Variants in TIPRL observed in about 807,000 individuals in gnomAD.
TIPRL encodes the protein TIP41-like protein.
In TIPRL, 10 loss-of-function variants were observed where a neutral mutation model predicts 32.3. That is an observed-to-expected ratio of 0.31 (90% CI 0.19 to 0.52). TIPRL has a LOEUF of 0.52. Among genes scored for constraint, TIPRL ranks in the 20% least tolerant of loss-of-function variants. The pLI is 0.96. For synonymous variants in TIPRL, 100 were observed against 114.0 expected (o/e 0.88, Z 0.78); for missense variants, 250 against 328.1 (o/e 0.76, Z 1.84).
At chr1:168,189,285 T>A (rs1021202381) in intron 3 of TIPRL, among the ~76,000 whole-genome samples, 1 of 152,240 alleles carries the variant, frequency 6.6e-6, no homozygotes, top group African/African-American at 2.4e-5. Flanking sequence ...TAGCCAGCTT[T>A]TTAAATTGTC....
chr1:168,184,141 AGAC>A, intron 2 of TIPRL, 60 bp downstream of exon 2: 1 of 1,473,210 alleles, frequency 6.8e-7, no homozygotes, highest in Non-Finnish European at 9.2e-7. Context: ...AAAAGAGAAA[AGAC>A]TTGAAAAAAT....
chr1:168,186,015 C>T (rs1256093632), intron 3 of TIPRL, among the ~76,000 whole-genome samples: 1 of 126,252 alleles, frequency 7.9e-6, no homozygotes, highest in African/African-American at 3.1e-5. Context: ...GCAGAGGTTG[C>T]AGTGAGCTGA....
chr1:168,179,303 G>A (rs1309299854), intron 1 of TIPRL, 122 bp downstream of exon 1: 1 of 780,762 alleles, frequency 1.3e-6, no homozygotes, highest in South Asian at 1.8e-5. Context: ...CCTCCGGACC[G>A]GACCTTTGAT....
intron 5 of TIPRL, 124 bp downstream of exon 5, chr1:168,196,766 T>C: frequency 1.9e-6 from 1 of 539,692 alleles, no homozygotes. Context: ...AACTGTTAAG[T>C]CTGAGTGTTT....
At chr1:168,198,779 A>G in intron 5 of TIPRL, 140 bp from the exon 6 acceptor site, 2 of 663,338 alleles carry the variant, frequency 3.0e-6, no homozygotes, top group Non-Finnish European at 5.3e-6. Flanking sequence ...GAGTTATCTC[A>G]GTGTAGAACA....
At chr1:168,189,663 CT>C (rs1421364164) in intron 3 of TIPRL, among the ~76,000 whole-genome samples, 2 of 152,028 alleles carry the variant, frequency 1.3e-5, no homozygotes, top group Non-Finnish European at 2.9e-5. Flanking sequence ...TTATATTTAG[CT>C]GGTTATTTTT....
intron 4 of TIPRL, among the ~76,000 whole-genome samples, chr1:168,195,977 A>G (rs1198824017): frequency 6.6e-6 from 1 of 152,212 alleles, no homozygotes; most frequent in Non-Finnish European, 1.5e-5. Flanking sequence ...TCTGCCTATC[A>G]TTAGTAGTTA....
chr1:168,193,999 G>A (rs954934275), intron 4 of TIPRL, among the ~76,000 whole-genome samples: 3 of 152,174 alleles, frequency 2.0e-5, no homozygotes, highest in African/African-American at 7.2e-5. Flanking sequence ...GAGATGTAAG[G>A]TATCAATCAG....
At position 168,179,092 on chromosome 1, in the gene TIPRL, C is replaced by G; in HGVS notation, c.15C>G (p.Gly5=). 1 of 1,613,844 alleles carries G rather than the reference C, an allele frequency of 6.2e-7. No homozygotes were observed. The highest frequency in any genetic ancestry group is 1.3e-5 in the African/African-American group (1 of 75,028). Residue 5 remains glycine, a synonymous_variant, in exon 1 of 7, where the codon GGC becomes GGG. Coordinates refer to ENST00000367833, the MANE Select transcript of TIPRL (RefSeq NM_152902.5). MMIH[G]FQSSHRDFCF... ...CTGCCTCAGCCATGATGATCCACGG[C>G]TTCCAGAGCAGCCACCGGGATTTCT...
chr1:168,191,561 T>C, intron 4 of TIPRL, 61 bp downstream of exon 4: 1 of 1,333,192 alleles, frequency 7.5e-7, no homozygotes, highest in Admixed American at 3.0e-5. Context: ...CAGACAAAAA[T>C]ATGACTCACT....
chr1:168,186,664 G>A (rs1700031725), intron 3 of TIPRL, among the ~76,000 whole-genome samples: 1 of 152,148 alleles, frequency 6.6e-6, no homozygotes, highest in African/African-American at 2.4e-5. Context: ...GTTCACACCT[G>A]TAATCCCAGC....
At chr1:168,179,259 C>T in intron 1 of TIPRL, 78 bp downstream of exon 1, 1 of 1,288,344 alleles carries the variant, frequency 7.8e-7, no homozygotes, top group Non-Finnish European at 1.1e-6. Context: ...CTCTGTGCAG[C>T]CCCTCCCCTT....
At chr1:168,184,728 A>C in intron 2 of TIPRL, 51 bp from the exon 3 acceptor site, 1 of 1,089,974 alleles carries the variant, frequency 9.2e-7, no homozygotes. Flanking sequence ...AAATACAGAT[A>C]ATCTCTATTC....
At chr1:168,183,686 TTATC>T (rs1203070071) in intron 1 of TIPRL, among the ~76,000 whole-genome samples, 3 of 152,320 alleles carry the variant, frequency 2.0e-5, no homozygotes, top group African/African-American at 7.2e-5. Context: ...ATTTGTATAT[TTATC>T]TTATTTAGCC....
At chr1:168,192,149 T>A (rs1387284990) in intron 4 of TIPRL, 5 of 1,387,036 alleles carry the variant, frequency 3.6e-6, no homozygotes, top group Admixed American at 6.2e-5. Context: ...TGTCATTTTT[T>A]AAAATGATCC....
Position 168,200,705 on chromosome 1 carries a change from G to C in TIPRL, c.*659G>C, listed in dbSNP as rs1272290119. On this transcript the variant is annotated 3_prime_UTR_variant, in exon 7 of 7. Coordinates refer to ENST00000367833, the MANE Select transcript of TIPRL (RefSeq NM_152902.5). Reference sequence around the variant, plus strand: ...AGAAACATGAATATGGTTTACCACTGTGTGTGTGTAGGATGTTAGAATTAT... The same window carrying C: ...AGAAACATGAATATGGTTTACCACTCTGTGTGTGTAGGATGTTAGAATTAT... The C allele has an allele frequency of 1.3e-5, 2 of 151,882 alleles. No individual in the cohort carries two copies. Among genetic ancestry groups the C allele is most frequent in the East Asian group, 3.8e-4 (2 of 5,196 alleles). The allele number at this position is 151,882 out of a possible 1,614,324, so 9.4% of individuals were successfully genotyped here.
chr1:168,184,944 C>A, intron 3 of TIPRL, 66 bp downstream of exon 3: 1 of 1,000,932 alleles, frequency 1.0e-6, no homozygotes, highest in Non-Finnish European at 1.5e-6. Flanking sequence ...TTAGAACTTT[C>A]TAGTAACGGG....
At chr1:168,190,652 G>A (rs1040404) in intron 3 of TIPRL, among the ~76,000 whole-genome samples, 72,729 of 152,058 alleles carry the variant, frequency 0.48, 20,630 homozygotes, top group African/African-American at 0.79. Context: ...GTGAAATTAG[G>A]TGTGGTAGAA....
chr1:168,197,297 A>T (rs1356395063), intron 5 of TIPRL, among the ~76,000 whole-genome samples: 1 of 152,092 alleles, frequency 6.6e-6, no homozygotes, highest in African/African-American at 2.4e-5. Context: ...GAAAAAAAAA[A>T]AAAAGAAACA....
Sources: allele counts gnomAD v4.1 joint callset (sites outside exome capture counted in the v4.1 genomes callset), GRCh38; gene constraint gnomAD v4.1.1; transcripts MANE v1.5; gene names NCBI Gene and HGNC (gene_info 2026-07-23, HGNC 2026-07-21).